RBFOX1: variants seen among roughly 807,000 people sequenced by gnomAD.
RBFOX1 encodes RNA binding fox-1 homolog 1.
A neutral mutation model predicts 57.7 loss-of-function variants in RBFOX1; 8 were observed. That is an observed-to-expected ratio of 0.14 (90% CI 0.08 to 0.25). The LOEUF (loss-of-function observed/expected upper bound fraction) is 0.25. Ranked by LOEUF, RBFOX1 falls within the 10% of genes least tolerant of loss-of-function variation. RBFOX1 has a pLI of 1.00. For missense variants in RBFOX1, 611 were observed against 548.5 expected, an observed-to-expected ratio of 1.11 and a Z score of -1.14; for synonymous variants, 326 against 222.4, an observed-to-expected ratio of 1.47 and a Z score of -4.15.
intron 10 of RBFOX1, among the ~76,000 whole-genome samples, chr16:7,615,902 C>G (rs1413420112): frequency 6.6e-6 from 1 of 152,128 alleles, no homozygotes; most frequent in Non-Finnish European, 1.5e-5. Context: ...TTCGAGATGC[C>G]ACATATTCAC....
intron 4 of RBFOX1, among the ~76,000 whole-genome samples, chr16:6,004,598 C>G (rs1454818857): frequency 6.6e-6 from 1 of 152,164 alleles, no homozygotes; most frequent in African/African-American, 2.4e-5. Context: ...ATATGCTATT[C>G]ATTTAACATG....
At chr16:7,566,837 C>G (rs1410091950) in intron 5 of RBFOX1, among the ~76,000 whole-genome samples, 1 of 152,052 alleles carries the variant, frequency 6.6e-6, no homozygotes, top group Non-Finnish European at 1.5e-5. Context: ...CTCCAGGGAG[C>G]TTGTGAACTT....
intron 11 of RBFOX1, among the ~76,000 whole-genome samples, chr16:7,642,947 C>T (rs551066775): frequency 2.8e-4 from 43 of 152,162 alleles, no homozygotes; most frequent in Non-Finnish European, 4.7e-4. Flanking sequence ...GGGAAATTGT[C>T]GATACCTGTG....
intron 4 of RBFOX1, among the ~76,000 whole-genome samples, chr16:7,110,636 G>T (rs1271330999): frequency 6.6e-6 from 1 of 152,150 alleles, no homozygotes; most frequent in Non-Finnish European, 1.5e-5. Context: ...ATATTAACAT[G>T]AGACATGAAG....
At chr16:5,934,535 A>G (rs1286001952) in intron 4 of RBFOX1, among the ~76,000 whole-genome samples, 5 of 152,228 alleles carry the variant, frequency 3.3e-5, no homozygotes, top group Non-Finnish European at 5.9e-5. Flanking sequence ...CACGTTGCAG[A>G]TCAGGAGACT....
intron 2 of RBFOX1, among the ~76,000 whole-genome samples, chr16:6,544,432 G>A (rs1358182453): frequency 2.0e-5 from 3 of 152,182 alleles, no homozygotes; most frequent in Non-Finnish European, 4.4e-5. Context: ...CACTGGTCCA[G>A]CTTAGTTGAA....
At chr16:6,215,813 C>A (rs990423076) in intron 1 of RBFOX1, among the ~76,000 whole-genome samples, 1 of 152,110 alleles carries the variant, frequency 6.6e-6, no homozygotes, top group Non-Finnish European at 1.5e-5. Context: ...GAAAGGACTG[C>A]ATAAACATCC....
intron 1 of RBFOX1, among the ~76,000 whole-genome samples, chr16:6,313,495 G>C (rs987250944): frequency 1.4e-4 from 21 of 152,168 alleles, no homozygotes; most frequent in African/African-American, 5.1e-4. Flanking sequence ...CCTGTTTAGA[G>C]AGTCAGAGTT....
chr16:6,903,988 A>C (rs1162580934), intron 3 of RBFOX1, among the ~76,000 whole-genome samples: 1 of 152,120 alleles, frequency 6.6e-6, no homozygotes, highest in Non-Finnish European at 1.5e-5. Context: ...CATCCCAGGG[A>C]GTGACCACGT....
chr16:7,089,759 C>A (rs946871243), intron 4 of RBFOX1, among the ~76,000 whole-genome samples: 1 of 152,176 alleles, frequency 6.6e-6, no homozygotes, highest in African/African-American at 2.4e-5. Flanking sequence ...AAAGCAGCAT[C>A]CCTCAATTTC....
At chr16:6,602,448 A>C (rs2097864278) in intron 2 of RBFOX1, among the ~76,000 whole-genome samples, 1 of 152,186 alleles carries the variant, frequency 6.6e-6, no homozygotes, top group Admixed American at 6.5e-5. Context: ...AAGGGAAGGC[A>C]GGTGAATCTC....
intron 2 of RBFOX1, among the ~76,000 whole-genome samples, chr16:6,604,943 T>C (rs951086187): frequency 6.6e-6 from 1 of 152,060 alleles, no homozygotes; most frequent in African/African-American, 2.4e-5. Flanking sequence ...GAGACCAGCC[T>C]GGGCGACATG....
chr16:7,156,684 T>C (rs990488072), intron 4 of RBFOX1, among the ~76,000 whole-genome samples: 1 of 152,164 alleles, frequency 6.6e-6, no homozygotes. Flanking sequence ...AGTAGTTCTA[T>C]AGTATTCCCT....
chr16:5,346,935 G>A (rs1410587891), intron 1 of RBFOX1, among the ~76,000 whole-genome samples: 1 of 152,178 alleles, frequency 6.6e-6, no homozygotes, highest in Non-Finnish European at 1.5e-5. Flanking sequence ...CTTGTGGTAA[G>A]TGCCCTGTAA....
At chr16:6,881,694 T>C (rs1326486680) in intron 3 of RBFOX1, among the ~76,000 whole-genome samples, 5 of 152,146 alleles carry the variant, frequency 3.3e-5, no homozygotes, top group Admixed American at 2.0e-4. Context: ...GACTTCAACG[T>C]CTTAACGTTG....
intron 4 of RBFOX1, among the ~76,000 whole-genome samples, chr16:7,331,355 T>G (rs966144496): frequency 6.6e-6 from 1 of 152,156 alleles, no homozygotes; most frequent in African/African-American, 2.4e-5. Flanking sequence ...ATTTTGAAGG[T>G]GATTTTCAGT....
chr16:6,667,037 A>G (rs1261201337), intron 3 of RBFOX1, among the ~76,000 whole-genome samples: 1 of 152,114 alleles, frequency 6.6e-6, no homozygotes, highest in Non-Finnish European at 1.5e-5. Context: ...TAACTCTTTT[A>G]CTAAACGTTG....
At chr16:6,930,616 G>C (rs1015604720) in intron 3 of RBFOX1, among the ~76,000 whole-genome samples, 3 of 152,060 alleles carry the variant, frequency 2.0e-5, no homozygotes, top group African/African-American at 7.2e-5. Flanking sequence ...TACCATGTTG[G>C]CCAGGCTGGT....
chr16:7,203,732 C>T (rs1358182821), intron 4 of RBFOX1, among the ~76,000 whole-genome samples: 2 of 152,088 alleles, frequency 1.3e-5, no homozygotes, highest in East Asian at 3.9e-4. Context: ...TTTCCCTTTG[C>T]AAATATCTGC....
Sources: gnomAD v4.1 joint callset for allele counts (sites outside exome capture counted in the v4.1 genomes callset) on GRCh38, gnomAD v4.1.1 for gene constraint, MANE v1.5 for transcripts, NCBI Gene and HGNC (gene_info 2026-07-23, HGNC 2026-07-21) for gene names.